The following RGS5 variants were observed in gnomAD, a reference collection of about 807,000 sequenced individuals.
RGS5 encodes regulator of G-protein signalling 5.
Under a neutral mutation model 18.9 loss-of-function variants are expected in RGS5, and 20 were observed. The observed-to-expected ratio is 1.06, with a 90% CI of 0.74 to 1.54. The LOEUF (loss-of-function observed/expected upper bound fraction) is 1.54. RGS5 is among the 40% of genes most tolerant of loss of function. The probability of loss-of-function intolerance (pLI) is 0.00; values close to 1 mark genes in which losing one functional copy is unlikely to be tolerated. For synonymous variants in RGS5, 57 were observed against 76.2 expected (o/e 0.75, Z 1.31); for missense variants, 201 against 211.8 (o/e 0.95, Z 0.32).
At chr1:163,205,219 G>A (rs913015503), upstream of RGS5, among the ~76,000 whole-genome samples, 4 of 151,886 alleles carry the variant, frequency 2.6e-5, no homozygotes, top group African/African-American at 4.8e-5. Flanking sequence ...TAAAGTTTCA[G>A]TTATGCAAAA....
In RGS5 at chr1:163,142,536, T is replaced by C. The variant is rs893972632; in HGVS notation, c.*4806A>G. 2 of 146,284 alleles carry C rather than the reference T, an allele frequency of 1.4e-5. No homozygotes were observed. The highest frequency in any genetic ancestry group is 2.7e-5 in the African/African-American group (1 of 36,382). 9.1% of individuals were successfully genotyped at this position (146,284 alleles called of 1,614,324 possible). A position where few individuals can be genotyped will look rare whatever the true frequency, so the allele number is the denominator to read the frequency against. On this transcript the variant is annotated 3_prime_UTR_variant, in exon 5 of 5. Coordinates refer to ENST00000313961, the MANE Select transcript of RGS5 (RefSeq NM_003617.4). Reference sequence around the variant, plus strand: ...CCTGGCTGTGTCTTCCGAAGATGAGTTGCTAGTTGCAACATTAAAAAAAAA... The same window carrying C: ...CCTGGCTGTGTCTTCCGAAGATGAGCTGCTAGTTGCAACATTAAAAAAAAA...
At chr1:163,193,185 C>A (rs952718848) in intron 1 of RGS5, among the ~76,000 whole-genome samples, 1 of 152,102 alleles carries the variant, frequency 6.6e-6, no homozygotes, top group East Asian at 1.9e-4. Flanking sequence ...AGTTTTAAGT[C>A]TCTAAATGAT....
At position 163,282,039 on chromosome 1, in the gene RGS5, ACG is replaced by A. The variant is rs757248741; in HGVS notation, c.-281+24192_-281+24193del. On this transcript the variant is annotated intron_variant, in intron 2 of 5. Transcript: ENST00000618415. ...ATTATGGGTGAGACTTCAGAAGTGCACGCGCGCGCACACACACACACACACAC... is the reference window on the plus strand; with the variant it reads ...ATTATGGGTGAGACTTCAGAAGTGCACGCGCGCACACACACACACACACAC... Among the ~76,000 whole-genome samples, 94 of 142,150 alleles carry A rather than the reference ACG, an allele frequency of 6.6e-4. 1 individual carries two copies. Among genetic ancestry groups the A allele is most frequent in the Non-Finnish European group, 9.7e-4 (61 of 62,898 alleles). 93.3% of individuals were successfully genotyped at this position (142,150 alleles called of 152,430 possible). A position where few individuals can be genotyped will look rare whatever the true frequency, so the allele number is the denominator to read the frequency against.
At chr1:163,270,231 G>C (rs2101711326) in intron 2 of RGS5, among the ~76,000 whole-genome samples, 1 of 152,024 alleles carries the variant, frequency 6.6e-6, no homozygotes, top group African/African-American at 2.4e-5. Context: ...TTCATAAAGG[G>C]CTGGGCATGG....
At chr1:163,281,841 C>G (rs115659253) in intron 2 of RGS5, among the ~76,000 whole-genome samples, 1 of 152,078 alleles carries the variant, frequency 6.6e-6, no homozygotes, top group Non-Finnish European at 1.5e-5. Context: ...TTCAATAAAT[C>G]ATGCTGGGAA....
intron 2 of RGS5, among the ~76,000 whole-genome samples, chr1:163,289,215 C>G (rs1472546814): frequency 6.6e-6 from 1 of 151,930 alleles, no homozygotes; most frequent in African/African-American, 2.4e-5. Context: ...TTGCCACTTC[C>G]TGCCTCCACC....
At chr1:163,308,009 T>C (rs1274129929) in intron 1 of RGS5, among the ~76,000 whole-genome samples, 1 of 152,228 alleles carries the variant, frequency 6.6e-6, no homozygotes, top group Non-Finnish European at 1.5e-5. Flanking sequence ...ACAATCTGCA[T>C]CCTAATCACT....
At chr1:163,204,517 T>A (rs1190602169), upstream of RGS5, among the ~76,000 whole-genome samples, 1 of 152,080 alleles carries the variant, frequency 6.6e-6, no homozygotes, top group Non-Finnish European at 1.5e-5. Flanking sequence ...GCCTAGCTAG[T>A]TTTTAAATTT....
intron 2 of RGS5, among the ~76,000 whole-genome samples, chr1:163,266,348 T>A (rs1253577064): frequency 6.6e-6 from 1 of 152,180 alleles, no homozygotes; most frequent in Non-Finnish European, 1.5e-5. Flanking sequence ...CCTCATCATC[T>A]CTTTTTTGAT....
intron 3 of RGS5, among the ~76,000 whole-genome samples, chr1:163,154,594 A>AT (rs1395064345): frequency 4.6e-5 from 7 of 152,060 alleles, no homozygotes; most frequent in East Asian, 3.9e-4. Flanking sequence ...AAAAAAACCA[A>AT]TTTTTTCTAG....
intron 2 of RGS5, among the ~76,000 whole-genome samples, chr1:163,274,539 T>C (rs1648804353): frequency 6.6e-6 from 1 of 152,152 alleles, no homozygotes. Context: ...TTTCCTGAGC[T>C]CTGTGAGCTG....
Position 163,145,472 on chromosome 1 carries a change from A to T in RGS5, c.*1870T>A, listed in dbSNP as rs1657093977. On this transcript the variant is annotated 3_prime_UTR_variant, in exon 5 of 5. Transcript: ENST00000313961. ...CTGGAAGTGCACCCTGGAAATTTTT[A>T]TCTGAGTTCCTTGTCAATCCTACAC... 6.6e-6 allele frequency: 1 copy of T among 152,118 alleles called. No homozygotes were observed. The highest frequency in any genetic ancestry group is 2.4e-5 in the African/African-American group (1 of 41,442). The allele number at this position is 152,118 out of a possible 1,614,324, so 9.4% of individuals were successfully genotyped here. A position where few individuals can be genotyped will look rare whatever the true frequency, so the allele number is the denominator to read the frequency against.
intron 2 of RGS5, among the ~76,000 whole-genome samples, chr1:163,241,242 TG>T (rs1317012052): frequency 2.2e-4 from 33 of 152,320 alleles, no homozygotes; most frequent in East Asian, 7.7e-4. Context: ...AATGGCAGAT[TG>T]TTGTTGTTGT....
chr1:163,178,000 T>A (rs1379424018), intron 1 of RGS5, among the ~76,000 whole-genome samples: 1 of 152,008 alleles, frequency 6.6e-6, no homozygotes, highest in Non-Finnish European at 1.5e-5. Flanking sequence ...GTTTGATGAG[T>A]GGCAAAGAAA....
chr1:163,264,552 AAG>A (rs1491417076), intron 2 of RGS5, among the ~76,000 whole-genome samples: 10 of 152,290 alleles, frequency 6.6e-5, no homozygotes, highest in African/African-American at 2.4e-4. Flanking sequence ...AACTCCTGCC[AAG>A]ATCATTCATG....
At position 163,162,472 on chromosome 1, in the gene RGS5, T is replaced by C. The variant is rs187967758; in HGVS notation, c.156-496A>G. ...AATTAAGGATAGTGGAAGATGTGAGTGTATAATGCTTTCCTTATGTTGGGA... is the reference window on the plus strand; with the variant it reads ...AATTAAGGATAGTGGAAGATGTGAGCGTATAATGCTTTCCTTATGTTGGGA... On this transcript the variant is annotated intron_variant, in intron 2 of 4. Coordinates refer to ENST00000313961, the MANE Select transcript of RGS5 (RefSeq NM_003617.4). Among the ~76,000 whole-genome samples, 44 of 152,262 alleles carry C rather than the reference T, an allele frequency of 2.9e-4. 1 individual carries two copies. The highest frequency in any genetic ancestry group is 3.7e-4 in the Non-Finnish European group (25 of 68,018).
chr1:163,213,018 C>T (rs915606984), intron 1 of RGS5: 4 of 152,082 alleles, frequency 2.6e-5, no homozygotes, highest in Admixed American at 2.6e-4. Context: ...CTGTAGCTCA[C>T]ACAAGAAAAA....
intron 1 of RGS5, among the ~76,000 whole-genome samples, chr1:163,217,274 A>C (rs1217467826): frequency 6.6e-6 from 1 of 152,122 alleles, no homozygotes; most frequent in Non-Finnish European, 1.5e-5. Context: ...TGTTCAGTTC[A>C]CCTTCCCTTT....
rs115659253 is a variant in RGS5, at chr1:163,281,841, C to A, written c.-281+24392G>T. 2.5e-3 allele frequency among the ~76,000 whole-genome samples: 383 copies of A among 152,192 alleles called. 1 individual carries two copies. Among genetic ancestry groups the A allele is most frequent in the African/African-American group, 9.0e-3 (374 of 41,518 alleles). ...GAAAAGGACAGTGTCTTCAATAAAT[C>A]ATGCTGGGAAAGCTGGATATCCACA... On this transcript the variant is annotated intron_variant, in intron 2 of 5. Transcript: ENST00000618415.
Sources: gnomAD v4.1 joint callset for allele counts (sites outside exome capture counted in the v4.1 genomes callset) on GRCh38, gnomAD v4.1.1 for gene constraint, MANE v1.5 for transcripts, NCBI Gene and HGNC (gene_info 2026-07-23, HGNC 2026-07-21) for gene names.